SLC22A23: variants seen among roughly 807,000 people sequenced by gnomAD.
SLC22A23 encodes the protein solute carrier family 22 member 23.
SLC22A23 carries 26 observed loss-of-function variants against 61.0 expected under a neutral mutation model. The observed-to-expected ratio is 0.43, with a 90% CI of 0.31 to 0.59. The LOEUF (loss-of-function observed/expected upper bound fraction) is 0.59, where lower values mean the gene tolerates loss of function less well. Ranked by LOEUF, SLC22A23 falls within the 20% of genes least tolerant of loss-of-function variation. SLC22A23 has a pLI of 0.11. For synonymous variants in SLC22A23, 430 were observed against 413.9 expected (o/e 1.04, Z -0.47); for missense variants, 796 against 934.7 (o/e 0.85, Z 1.94).
chr6:3,445,607 A>C, intron 1 of SLC22A23, among the ~76,000 whole-genome samples: 1 of 152,240 alleles, frequency 6.6e-6, no homozygotes, highest in East Asian at 1.9e-4. Flanking sequence ...GCATCCTTCC[A>C]ACCAGGGTCC....
intron 3 of SLC22A23, among the ~76,000 whole-genome samples, chr6:3,379,275 G>C (rs1026315607): frequency 5.3e-5 from 8 of 152,080 alleles, no homozygotes; most frequent in Non-Finnish European, 1.2e-4. Context: ...CTTTCCTCTT[G>C]GCAAAAGTAG....
chr6:3,362,440 AATTAGCATG>A (rs1765537820), intron 3 of SLC22A23, among the ~76,000 whole-genome samples: 1 of 137,160 alleles, frequency 7.3e-6, no homozygotes, highest in African/African-American at 3.2e-5. Flanking sequence ...AAAAAATAAA[AATTAGCATG>A]CATTTTCATC....
At chr6:3,300,807 C>T (rs925955942) in intron 4 of SLC22A23, among the ~76,000 whole-genome samples, 23 of 152,140 alleles carry the variant, frequency 1.5e-4, no homozygotes, top group African/African-American at 4.8e-4. Flanking sequence ...CCACTGAATT[C>T]GGTGGTACCT....
At position 3,327,405 on chromosome 6, in the gene SLC22A23, C is replaced by T. The variant is rs143997582; in HGVS notation, c.914-3403G>A. On this transcript the variant is annotated intron_variant, in intron 3 of 9. Coordinates refer to ENST00000406686, the MANE Select transcript of SLC22A23 (RefSeq NM_015482.2). This position sits in a 1 kb window ranked among gnomAD's most constrained non-coding sequence, Gnocchi z 4.1. Reference sequence around the variant, plus strand: ...TTAGTAGATTTTCATTCATGGGCAGCCAGACTCTCCCTGATTATGTAAAAC... The same window carrying T: ...TTAGTAGATTTTCATTCATGGGCAGTCAGACTCTCCCTGATTATGTAAAAC... 6.2e-3 allele frequency among the ~76,000 whole-genome samples: 938 copies of T among 152,342 alleles called. 4 individuals carry two copies. Among genetic ancestry groups the T allele is most frequent in the Middle Eastern group, 0.024 (7 of 294 alleles).
intron 3 of SLC22A23, among the ~76,000 whole-genome samples, chr6:3,401,215 G>C (rs937953684): frequency 6.6e-6 from 1 of 152,224 alleles, no homozygotes. Context: ...GGTGGCGCCT[G>C]TAGTCCCAGT....
At chr6:3,423,146 C>T (rs1276419875) in intron 1 of SLC22A23, among the ~76,000 whole-genome samples, 1 of 152,052 alleles carries the variant, frequency 6.6e-6, no homozygotes, top group Non-Finnish European at 1.5e-5. Context: ...TTTACTGACA[C>T]TGGGGCTTTC....
chr6:3,275,361 G>A (rs576276132), intron 9 of SLC22A23, among the ~76,000 whole-genome samples: 8 of 152,238 alleles, frequency 5.3e-5, no homozygotes, highest in Middle Eastern at 3.4e-3. Context: ...AAACTATAAC[G>A]CTTCTAGAAG....
chr6:3,434,545 G>T (rs1210934290), intron 1 of SLC22A23, among the ~76,000 whole-genome samples: 1 of 151,474 alleles, frequency 6.6e-6, no homozygotes, highest in Non-Finnish European at 1.5e-5. Flanking sequence ...GGAGGTGGAG[G>T]TTGCAGCAAG....
chr6:3,454,942 G>A lies in SLC22A23; in HGVS notation c.654+964C>T, dbSNP rs954236169. 1.3e-5 allele frequency among the ~76,000 whole-genome samples: 2 copies of A among 152,218 alleles called. No homozygotes were observed. The highest frequency in any genetic ancestry group is 6.5e-5 in the Admixed American group (1 of 15,284). On this transcript the variant is annotated intron_variant, in intron 1 of 9. Transcript: ENST00000406686. This position sits in a 1 kb window ranked among gnomAD's most constrained non-coding sequence, Gnocchi z 4.3. ...GCCAGAACAGCCCAGAATGGGTAGCGGGTGGGGTGGAGGAGAGTCTGTATT... is the reference window on the plus strand; with the variant it reads ...GCCAGAACAGCCCAGAATGGGTAGCAGGTGGGGTGGAGGAGAGTCTGTATT...
chr6:3,300,145 G>C (rs1761488305), intron 4 of SLC22A23, among the ~76,000 whole-genome samples: 1 of 151,306 alleles, frequency 6.6e-6, no homozygotes, highest in East Asian at 1.9e-4. Flanking sequence ...CTAGTAGCTG[G>C]GATTACAGGA....
chr6:3,384,061 A>C (rs1767126832), intron 3 of SLC22A23, among the ~76,000 whole-genome samples: 1 of 152,206 alleles, frequency 6.6e-6, no homozygotes, highest in Admixed American at 6.5e-5. Flanking sequence ...ACTTGAGAAG[A>C]ACAAAAACGG....
chr6:3,402,081 T>C (rs1453951604), intron 3 of SLC22A23, among the ~76,000 whole-genome samples: 1 of 152,198 alleles, frequency 6.6e-6, no homozygotes, highest in Non-Finnish European at 1.5e-5. Context: ...GCAAGTCCCC[T>C]GGCCCTCCTT....
At chr6:3,361,820 C>T (rs6922503) in intron 3 of SLC22A23, among the ~76,000 whole-genome samples, 100,693 of 151,714 alleles carry the variant, frequency 0.66, 34,052 homozygotes, top group East Asian at 0.84. Context: ...GGCTGGGACA[C>T]CTGTCAAGCG....
rs781526188 is a variant in SLC22A23, at chr6:3,280,512, T to TTTTTTTTTTCC, written c.1703+3339_1703+3340insGGAAAAAAAAA. Among the ~76,000 whole-genome samples the TTTTTTTTTTCC allele has an allele frequency of 1.5e-4, 15 of 98,326 alleles. 1 individual carries two copies. The highest frequency in any genetic ancestry group is 4.6e-4 in the African/African-American group (13 of 28,094). 64.5% of individuals were successfully genotyped at this position (98,326 alleles called of 152,430 possible). A position where few individuals can be genotyped will look rare whatever the true frequency, so the allele number is the denominator to read the frequency against. On this transcript the variant is annotated intron_variant, in intron 9 of 9. Coordinates refer to ENST00000406686, the MANE Select transcript of SLC22A23 (RefSeq NM_015482.2). ...CAACTTTTTTTTTTTTTTTTTTTTT[T>TTTTTTTTTTCC]TGAGATGGAGTCTCGCTCTGTCGCC... is the stretch of plus-strand genomic sequence containing the variant.
chr6:3,456,070 G>T lies in SLC22A23; in HGVS notation c.490C>A (p.Pro164Thr). 5 of 1,549,858 alleles carry T rather than the reference G, an allele frequency of 3.2e-6. No homozygotes were observed. Among genetic ancestry groups the T allele is most frequent in the Non-Finnish European group, 4.4e-6 (5 of 1,146,742 alleles). ...CTCCGGTTGCCCGCAGCCTCCCAGGGGGCAGTGGCGAAGGGGGTGGTGGGG... is the reference window on the plus strand; with the variant it reads ...CTCCGGTTGCCCGCAGCCTCCCAGGTGGCAGTGGCGAAGGGGGTGGTGGGG... ...SLPTTPFATA[P>T]WEAAGNRSNS... is the part of the protein sequence containing the mutation. The change falls in exon 1 of 10, where the codon CCC (proline) becomes ACC (threonine). Residue 164 changes from proline (P) to threonine (T), a missense_variant. By Grantham distance (38) the Pro-to-Thr change is conservative (BLOSUM62 -1). Coordinates refer to ENST00000406686, the MANE Select transcript of SLC22A23 (RefSeq NM_015482.2). The surrounding 1 kb of genome is among the most constrained non-coding windows in gnomAD (Gnocchi z 7.1).
At chr6:3,296,317 C>CCACCCCTGCTGGACTTTG (rs1199481048) in intron 5 of SLC22A23, among the ~76,000 whole-genome samples, 2 of 152,172 alleles carry the variant, frequency 1.3e-5, no homozygotes, top group Non-Finnish European at 2.9e-5. Flanking sequence ...CGTGGCAAAG[C>CCACCCCTGCTGGACTTTG]CACCCCTGCT....
intron 4 of SLC22A23, among the ~76,000 whole-genome samples, chr6:3,307,710 CAGCTGGA>C (rs1368654218): frequency 6.6e-6 from 1 of 152,258 alleles, no homozygotes; most frequent in African/African-American, 2.4e-5. Context: ...CTGTCCACAG[CAGCTGGA>C]AGCGGTGACT....
Position 3,274,942 on chromosome 6 carries a change from C to A in SLC22A23, c.1704-1530G>T, listed in dbSNP as rs1758760376. ...TCTATACATTCCACATAATCCCTATCAAAATTCCAGGTGACTTTTTTTTTT... is the reference window on the plus strand; with the variant it reads ...TCTATACATTCCACATAATCCCTATAAAAATTCCAGGTGACTTTTTTTTTT... On this transcript the variant is annotated intron_variant, in intron 9 of 9. Transcript: ENST00000406686. Among the ~76,000 whole-genome samples, 3 of 147,318 alleles carry A rather than the reference C, an allele frequency of 2.0e-5. No homozygotes were observed. The South Asian group carries it at 6.4e-4, about 31-fold the overall frequency.
intron 1 of SLC22A23, among the ~76,000 whole-genome samples, chr6:3,449,391 C>T (rs775751154): frequency 5.3e-5 from 8 of 151,986 alleles, no homozygotes; most frequent in Admixed American, 6.6e-5. Flanking sequence ...ACAGCAAACT[C>T]GAGGAAAATG....
Sources: gnomAD v4.1 joint callset for allele counts (sites outside exome capture counted in the v4.1 genomes callset) on GRCh38, gnomAD v4.1.1 for gene constraint, Gnocchi (gnomAD v3.1) non-coding constraint, MANE v1.5 for transcripts, NCBI Gene and HGNC (gene_info 2026-07-23, HGNC 2026-07-21) for gene names.